SRD5A3: variants seen among roughly 807,000 people sequenced by gnomAD.
The protein encoded by SRD5A3 is polyprenal reductase.
A neutral mutation model predicts 34.3 loss-of-function variants in SRD5A3; 24 were observed. The ratio of observed to expected loss-of-function variants is 0.70; its 90% CI spans 0.51 to 0.99. The LOEUF is 0.99. Ranked by LOEUF, SRD5A3 falls within the 50% of genes least tolerant of loss-of-function variation. The pLI is 0.00. For synonymous variants in SRD5A3, 161 were observed against 167.3 expected (o/e 0.96, Z 0.29); for missense variants, 350 against 388.2 (o/e 0.90, Z 0.83).
At chr4:55,349,394 C>T (rs1473459183) in intron 1 of SRD5A3, among the ~76,000 whole-genome samples, 1 of 152,094 alleles carries the variant, frequency 6.6e-6, no homozygotes, top group African/African-American at 2.4e-5. Context: ...TAGAAATAGG[C>T]AGTTGTAAAT....
intron 1 of SRD5A3, chr4:55,352,224 T>C (rs1403726949): frequency 1.3e-5 from 12 of 953,704 alleles, no homozygotes; most frequent in Non-Finnish European, 1.9e-5. Flanking sequence ...TGGGCCCAGC[T>C]GTGTATTATA....
rs570315170 is a variant in SRD5A3, at chr4:55,362,212, AC to A, written c.365-1858del. Reference sequence around the variant, plus strand: ...GCCTGATCTCAGCTCACCACAACCTACCCCTCCCGGGTTCAAGCGATTCTCC... The same window carrying A: ...GCCTGATCTCAGCTCACCACAACCTACCCTCCCGGGTTCAAGCGATTCTCC... On this transcript the variant is annotated intron_variant, in intron 2 of 4. Transcript: ENST00000264228. Among the ~76,000 whole-genome samples the A allele has an allele frequency of 1.2e-4, 18 of 145,152 alleles. No homozygotes were observed. The East Asian group carries it at 3.8e-3, about 30-fold the overall frequency.
At chr4:55,362,991 G>A (rs947526231) in intron 2 of SRD5A3, among the ~76,000 whole-genome samples, 2 of 150,814 alleles carry the variant, frequency 1.3e-5, no homozygotes, top group African/African-American at 4.9e-5. Context: ...TTCTACAGGC[G>A]CACACCACCA....
rs1720126102 is a variant in SRD5A3, at chr4:55,371,544, A to G, written c.*1453A>G. 1 of 152,238 alleles carries G rather than the reference A, an allele frequency of 6.6e-6. No individual in the cohort carries two copies. The highest frequency in any genetic ancestry group is 2.1e-4 in the South Asian group (1 of 4,830). 9.4% of individuals were successfully genotyped at this position (152,238 alleles called of 1,614,324 possible). The stretch of plus-strand genomic sequence containing the variant: ...GCTTTGCATTTATATGTACTTTGCT[A>G]TGGGGGAAAGAACCTTATGATTAAT... On this transcript the variant is annotated 3_prime_UTR_variant, in exon 5 of 5. Transcript: ENST00000264228.
chr4:55,347,948 A>G (rs185197987), intron 1 of SRD5A3, among the ~76,000 whole-genome samples: 80 of 152,330 alleles, frequency 5.3e-4, no homozygotes, highest in Middle Eastern at 3.4e-3. Flanking sequence ...GAATCCTTTT[A>G]TACTTCACAG....
rs819270 is a variant in SRD5A3 at position 55,372,459 on chromosome 4, G to A, written c.*2368G>A. The A allele has an allele frequency of 0.28, 42,639 of 152,024 alleles. 6,247 individuals are homozygous for A. The highest frequency in any genetic ancestry group is 0.4 in the South Asian group (1,924 of 4,818). 9.4% of individuals were successfully genotyped at this position (152,024 alleles called of 1,614,324 possible). A position where few individuals can be genotyped will look rare whatever the true frequency, so the allele number is the denominator to read the frequency against. ...ACATCATATTTCTAGGCAAAGATAAGAGAGGAGATAGTGATGTCCTGAAAG... is the reference window on the plus strand; with the variant it reads ...ACATCATATTTCTAGGCAAAGATAAAAGAGGAGATAGTGATGTCCTGAAAG... On this transcript the variant is annotated 3_prime_UTR_variant, in exon 5 of 5. Coordinates refer to ENST00000264228, the MANE Select transcript of SRD5A3 (RefSeq NM_024592.5).
At position 55,367,577 on chromosome 4, in the gene SRD5A3, C is replaced by T. The variant is rs1307208184; in HGVS notation, c.563-11C>T. The T allele has an allele frequency of 1.2e-6, 2 of 1,613,764 alleles. No homozygotes were observed. The highest frequency in any genetic ancestry group is 1.7e-5 in the Admixed American group (1 of 60,022). The stretch of plus-strand genomic sequence containing the variant: ...TTGTTTAGTGTTGGCTAACAATTCT[C>T]ATTCCTATAGCCTACATAACAGGGA... On this transcript the variant is annotated splice_polypyrimidine_tract_variant and intron_variant, in intron 3 of 4. Transcript: ENST00000264228.
At chr4:55,348,420 CCT>C (rs1413343270) in intron 1 of SRD5A3, among the ~76,000 whole-genome samples, 1 of 152,134 alleles carries the variant, frequency 6.6e-6, no homozygotes, top group African/African-American at 2.4e-5. Flanking sequence ...ATTTTATACC[CCT>C]GTTTATATGA....
At chr4:55,363,885 G>C in intron 2 of SRD5A3, 189 bp from the exon 3 acceptor site, 1 of 658,354 alleles carries the variant, frequency 1.5e-6, no homozygotes, top group Non-Finnish European at 2.7e-6. Flanking sequence ...CCAGTGAACT[G>C]TGTAACACAG....
rs2109490068 is a variant in SRD5A3, at chr4:55,370,553, T to C, written c.*462T>C. 1 of 178,792 alleles carries C rather than the reference T, an allele frequency of 5.6e-6. No individual in the cohort carries two copies. Among genetic ancestry groups the C allele is most frequent in the South Asian group, 1.2e-4 (1 of 8,032 alleles). 11.1% of individuals were successfully genotyped at this position (178,792 alleles called of 1,614,324 possible). On this transcript the variant is annotated 3_prime_UTR_variant, in exon 5 of 5. Coordinates refer to ENST00000264228, the MANE Select transcript of SRD5A3 (RefSeq NM_024592.5). The stretch of plus-strand genomic sequence containing the variant: ...ATAGCAGGTGCTCAATAACTGTTTG[T>C]TGCATTTCAGTAAAAGCAGAATAAC...
chr4:55,346,528 C>A lies in SRD5A3; in HGVS notation c.192C>A (p.Ala64=). 1.3e-6 allele frequency: 2 copies of A among 1,597,874 alleles called. No individual in the cohort carries two copies. The highest frequency in any genetic ancestry group is 1.7e-6 in the Non-Finnish European group (2 of 1,173,540). The part of the protein sequence containing the change: ...KTKCGEPSRP[A]ACRAFDVPKR... ...AGTGTGGGGAGCCGTCGCGCCCCGC[C>A]GCCTGCCGAGCCTTTGATGTCCCCA... The change falls in exon 1 of 5, where the codon GCC becomes GCA. Residue 64 remains alanine (A), a synonymous_variant. Transcript: ENST00000264228.
intron 3 of SRD5A3, among the ~76,000 whole-genome samples, chr4:55,365,020 CAT>C (rs1235096593): frequency 1.3e-5 from 2 of 152,192 alleles, no homozygotes; most frequent in Non-Finnish European, 2.9e-5. Context: ...TTACCTAACA[CAT>C]ATGACTACCA....
At chr4:55,362,833 T>C (rs1001742074) in intron 2 of SRD5A3, among the ~76,000 whole-genome samples, 1 of 150,754 alleles carries the variant, frequency 6.6e-6, no homozygotes, top group Admixed American at 6.7e-5. Context: ...TGTGTGTTTG[T>C]GTGTGAGACT....
intron 1 of SRD5A3, 38 bp downstream of exon 1, chr4:55,346,595 C>T (rs955293522): frequency 1.8e-5 from 27 of 1,526,200 alleles, no homozygotes; most frequent in Non-Finnish European, 2.4e-5. Context: ...GTGGTCAAGG[C>T]GCTGAGAGTT....
chr4:55,352,785 T>C (rs1264572593), intron 1 of SRD5A3, among the ~76,000 whole-genome samples: 1 of 152,214 alleles, frequency 6.6e-6, no homozygotes, highest in East Asian at 1.9e-4. Context: ...AGAGCTTATC[T>C]TCTAGGAAGG....
chr4:55,371,304 A>C lies in SRD5A3; in HGVS notation c.*1213A>C, dbSNP rs989595304. The C allele has an allele frequency of 6.6e-6, 1 of 152,222 alleles. No homozygotes were observed. Among genetic ancestry groups the C allele is most frequent in the African/African-American group, 2.4e-5 (1 of 41,452 alleles). The allele number at this position is 152,222 out of a possible 1,614,324, so 9.4% of individuals were successfully genotyped here. A position where few individuals can be genotyped will look rare whatever the true frequency, so the allele number is the denominator to read the frequency against. On this transcript the variant is annotated 3_prime_UTR_variant, in exon 5 of 5. Transcript: ENST00000264228. ...ATTCAGGAATAAAGTTTATACTTAA[A>C]ATAGCTTATGTTAAAGAAAATACCT...
chr4:55,362,105 G>C (rs1578208600), intron 2 of SRD5A3, among the ~76,000 whole-genome samples: 1 of 151,944 alleles, frequency 6.6e-6, no homozygotes, highest in Admixed American at 6.6e-5. Flanking sequence ...CCTACACTAG[G>C]GGGTGCTGTT....
chr4:55,347,168 TC>T (rs1719028202), intron 1 of SRD5A3, among the ~76,000 whole-genome samples: 1 of 152,258 alleles, frequency 6.6e-6, no homozygotes, highest in African/African-American at 2.4e-5. Context: ...CATTTGACTT[TC>T]GAAAAATTCT....
intron 1 of SRD5A3, among the ~76,000 whole-genome samples, chr4:55,353,893 C>G (rs113892138): frequency 2.0e-5 from 3 of 152,304 alleles, no homozygotes; most frequent in African/African-American, 7.2e-5. Context: ...GAGTCCACAG[C>G]TTCATTCTTG....
Sources: gnomAD v4.1 joint callset for allele counts (sites outside exome capture counted in the v4.1 genomes callset) on GRCh38, gnomAD v4.1.1 for gene constraint, MANE v1.5 for transcripts, NCBI Gene and HGNC (gene_info 2026-07-23, HGNC 2026-07-21) for gene names.